The following PLXNA1 variants were observed in gnomAD, a reference collection of about 807,000 sequenced individuals.
PLXNA1 encodes plexin A1.
PLXNA1 carries 77 observed loss-of-function variants against 191.7 expected under a neutral mutation model. That is an observed-to-expected ratio of 0.40 (90% CI 0.33 to 0.49). The LOEUF (loss-of-function observed/expected upper bound fraction) is 0.49. PLXNA1 is among the 20% of genes least tolerant of loss of function. The probability of loss-of-function intolerance (pLI) is 0.63; values close to 1 mark genes in which losing one functional copy is unlikely to be tolerated. For missense variants in PLXNA1, 2,110 were observed against 2,660.2 expected, an observed-to-expected ratio of 0.79 and a Z score of 4.55; for synonymous variants, 1,137 against 1,156.4, an observed-to-expected ratio of 0.98 and a Z score of 0.34.
At chr3:127,022,874 A>G (rs1255072437) in intron 23 of PLXNA1, 56 bp downstream of exon 23, 1 of 1,429,072 alleles carries the variant, frequency 7.0e-7, no homozygotes, top group East Asian at 2.3e-5. Flanking sequence ...CGGGAGGGGA[A>G]AACGGAGAGA....
In PLXNA1 at chr3:127,022,219, G is replaced by A. The variant is rs373883530; in HGVS notation, c.4173G>A (p.Ser1391=). Residue 1391 remains serine (S), a synonymous_variant, in exon 22 of 32, where the codon TCG becomes TCA. Coordinates refer to ENST00000393409, the MANE Select transcript of PLXNA1 (RefSeq NM_032242.4). ...FSMRDRGNVA[S]LIMTALQGEM... Reference sequence around the variant, plus strand: ...TGCGCGACCGCGGGAATGTGGCCTCGCTCATCATGACGGCCCTGCAGGGCG... The same window carrying A: ...TGCGCGACCGCGGGAATGTGGCCTCACTCATCATGACGGCCCTGCAGGGCG... The A allele has an allele frequency of 8.7e-6, 14 of 1,613,294 alleles. No homozygotes were observed. In the Admixed American group the frequency reaches 1.0e-4, roughly 12 times the overall value.
Position 126,988,802 on chromosome 3 carries a change from G to A in PLXNA1, c.209G>A (p.Arg70His), listed in dbSNP as rs2078974408. ...GAGGTGTATGTGGGCGCAGTGAACC[G>A]CATCTATAAGCTGTCGGGGAACCTG... ...TGEVYVGAVN[R>H]IYKLSGNLTL... The change falls in exon 2 of 32, where the codon CGC (arginine) becomes CAC (histidine). Residue 70 changes from arginine (R) to histidine (H), a missense_variant. Around this residue, in one of 4 missense-constraint regions of PLXNA1, gnomAD observed 903 missense variants for 1,015.7 expected, o/e 0.89. Transcript: ENST00000393409. 1.9e-5 allele frequency: 30 copies of A among 1,612,404 alleles called. No individual in the cohort carries two copies. Among genetic ancestry groups the A allele is most frequent in the Non-Finnish European group, 2.3e-5 (27 of 1,179,384 alleles).
At chr3:126,984,961 C>T (rs1216996574) in intron 1 of PLXNA1, among the ~76,000 whole-genome samples, 1 of 152,206 alleles carries the variant, frequency 6.6e-6, no homozygotes, top group South Asian at 2.1e-4. Context: ...AGCAGAACCA[C>T]TGGGACCACC....
chr3:126,993,496 G>A (rs941839098), intron 3 of PLXNA1, among the ~76,000 whole-genome samples: 1 of 152,162 alleles, frequency 6.6e-6, no homozygotes, highest in African/African-American at 2.4e-5. Context: ...GGCCTGACAT[G>A]GCTAGTTCCT....
At position 126,989,760 on chromosome 3, in the gene PLXNA1, C is replaced by T. The variant is rs368487877; in HGVS notation, c.1167C>T (p.Leu389=). ...GEGKLSLPWL[L]NKELGCINSP... ...GCAAGCTCTCCCTGCCGTGGCTGCT[C>T]AACAAGGAGCTGGGCTGCATCAACT... Residue 389 remains leucine (L), a synonymous_variant, in exon 2 of 32, where the codon CTC becomes CTT. Transcript: ENST00000393409. 6 of 1,610,764 alleles carry T rather than the reference C, an allele frequency of 3.7e-6. No homozygotes were observed. The African/African-American group carries it at 8.0e-5, about 21-fold the overall frequency.
chr3:126,994,352 G>A lies in PLXNA1; in HGVS notation c.1377+2786G>A, dbSNP rs369620426. On this transcript the variant is annotated intron_variant, in intron 3 of 31. Transcript: ENST00000393409. ...CTCCTGCCCTCCGACCTGGCTGGGA[G>A]TGCTGCTGCTGTGGGTGCATTTTGG... Among the ~76,000 whole-genome samples, 31 of 152,280 alleles carry A rather than the reference G, an allele frequency of 2.0e-4. No homozygotes were observed. In the East Asian group the frequency reaches 6.0e-3, roughly 29 times the overall value.
At chr3:126,997,816 C>T (rs996134834) in intron 3 of PLXNA1, among the ~76,000 whole-genome samples, 1 of 152,232 alleles carries the variant, frequency 6.6e-6, no homozygotes, top group Non-Finnish European at 1.5e-5. Context: ...TCACGGAGAG[C>T]CCTAAGCCAG....
At chr3:127,020,983 C>G (rs964639023) in intron 21 of PLXNA1, among the ~76,000 whole-genome samples, 1 of 152,240 alleles carries the variant, frequency 6.6e-6, no homozygotes, top group Non-Finnish European at 1.5e-5. Flanking sequence ...AGGCCCCCAG[C>G]GGCAGGCAGG....
intron 3 of PLXNA1, among the ~76,000 whole-genome samples, chr3:126,994,845 C>A (rs749828187): frequency 4.6e-5 from 7 of 152,130 alleles, no homozygotes; most frequent in Non-Finnish European, 1.0e-4. Flanking sequence ...AGGCCGGGCC[C>A]CGGGGCTCCC....
chr3:126,989,995 T>A (rs2078982837), intron 2 of PLXNA1, among the ~76,000 whole-genome samples: 1 of 152,234 alleles, frequency 6.6e-6, no homozygotes, highest in Admixed American at 6.5e-5. Context: ...CAAAGGCTGC[T>A]CCCAGCCATG....
At chr3:127,022,668 G>GGGGGC in intron 22 of PLXNA1, 84 bp from the exon 23 acceptor site, 1 of 1,049,156 alleles carries the variant, frequency 9.5e-7, no homozygotes, top group African/African-American at 1.6e-5. Flanking sequence ...GGTGGGGTGG[G>GGGGGC]ATCGGTGAGT....
At position 127,014,462 on chromosome 3, in the gene PLXNA1, C is replaced by T; in HGVS notation, c.2605-16C>T. The stretch of plus-strand genomic sequence containing the variant: ...GCCCTGTGGGATGCCTGTACCCCAG[C>T]CTCTGCCTCCCTCAGCTGTCCCCCG... On this transcript the variant is annotated splice_polypyrimidine_tract_variant and intron_variant, in intron 12 of 31. Coordinates refer to ENST00000393409, the MANE Select transcript of PLXNA1 (RefSeq NM_032242.4). The T allele has an allele frequency of 1.3e-6, 2 of 1,598,666 alleles. No homozygotes were observed. Among genetic ancestry groups the T allele is most frequent in the Admixed American group, 1.7e-5 (1 of 59,802 alleles).
intron 7 of PLXNA1, 43 bp from the exon 8 acceptor site, chr3:127,006,036 C>T (rs749106739): frequency 6.6e-6 from 10 of 1,511,686 alleles, no homozygotes; most frequent in East Asian, 2.3e-5. Context: ...TGTGGGAGTC[C>T]TGGGCAAGCA....
In PLXNA1 at chr3:127,011,994, G is replaced by T; in HGVS notation, c.2149G>T (p.Val717Leu). The part of the protein sequence containing the change: ...PQILPSTQIY[V>L]PVGVVKPITL... Reference sequence around the variant, plus strand: ...GATCCTGCCCTCCACGCAGATCTACGTGCCAGTGGGAGTGGTAAAACCCAT... The same window carrying T: ...GATCCTGCCCTCCACGCAGATCTACTTGCCAGTGGGAGTGGTAAAACCCAT... Residue 717 changes from valine to leucine, a missense_variant, in exon 10 of 32, where the codon GTG becomes TTG. Physicochemically the swap from Val to Leu is conservative, Grantham distance 32. This residue lies in a region of PLXNA1 where 903 missense variants were observed against 1,015.7 expected (regional missense o/e 0.89). Transcript: ENST00000393409. 2 of 1,613,694 alleles carry T rather than the reference G, an allele frequency of 1.2e-6. No individual in the cohort carries two copies. The highest frequency in any genetic ancestry group is 2.2e-5 in the South Asian group (2 of 91,078).
chr3:127,022,836 G>A lies in PLXNA1; in HGVS notation c.4362+18G>A, dbSNP rs1467814809. ...TCCTCAAGGTAAGCAGAGGCGGGAG[G>A]AAGCAGGTGTCAGAGGCAGGTGAAC... On this transcript the variant is annotated intron_variant, in intron 23 of 31. Transcript: ENST00000393409. The A allele has an allele frequency of 1.9e-6, 3 of 1,608,766 alleles. No individual in the cohort carries two copies. The African/African-American group carries it at 4.0e-5, about 22-fold the overall frequency.
intron 3 of PLXNA1, among the ~76,000 whole-genome samples, chr3:126,997,792 C>T (rs2079021168): frequency 6.6e-6 from 1 of 152,220 alleles, no homozygotes. Flanking sequence ...CTGGCAGGGC[C>T]ACCCATGGGG....
chr3:127,030,463 T>G (rs1386755792), intron 29 of PLXNA1, 51 bp downstream of exon 29: 1 of 1,599,058 alleles, frequency 6.3e-7, no homozygotes, highest in South Asian at 1.1e-5. Context: ...AGGCCAGATG[T>G]GTTCCCAGGG....
intron 3 of PLXNA1, among the ~76,000 whole-genome samples, chr3:127,000,252 A>G (rs2079033434): frequency 6.6e-6 from 1 of 152,108 alleles, no homozygotes; most frequent in South Asian, 2.1e-4. Flanking sequence ...GGAAGATTCC[A>G]GGGCATGCCT....
At chr3:127,019,217 T>G (rs1273105366) in intron 20 of PLXNA1, among the ~76,000 whole-genome samples, 2 of 149,670 alleles carry the variant, frequency 1.3e-5, no homozygotes, top group Non-Finnish European at 3.0e-5. Flanking sequence ...TGGTCCAGCA[T>G]GGGGTTGTCA....
Sources: gnomAD v4.1 joint callset for allele counts (sites outside exome capture counted in the v4.1 genomes callset) on GRCh38, gnomAD v4.1.1 for gene constraint, gnomAD v4.1.1 regional missense constraint, MANE v1.5 for transcripts, NCBI Gene and HGNC (gene_info 2026-07-23, HGNC 2026-07-21) for gene names.